IKZF1: variants seen among roughly 807,000 people sequenced by gnomAD.
IKZF1 encodes the protein DNA-binding protein Ikaros.
Under a neutral mutation model 51.7 loss-of-function variants are expected in IKZF1, and 10 were observed. That is an observed-to-expected ratio of 0.19 (90% CI 0.12 to 0.33). IKZF1 has a LOEUF of 0.33. IKZF1 is among the 10% of genes least tolerant of loss of function. The pLI is 1.00. For missense variants in IKZF1, 484 were observed against 707.5 expected, an observed-to-expected ratio of 0.68 and a Z score of 3.58; for synonymous variants, 280 against 282.3, an observed-to-expected ratio of 0.99 and a Z score of 0.08.
chr7:50,360,930 T>C (rs1805023210), intron 3 of IKZF1, among the ~76,000 whole-genome samples: 1 of 152,256 alleles, frequency 6.6e-6, no homozygotes, highest in Admixed American at 6.5e-5. Flanking sequence ...ACCCACACTC[T>C]TATGGGCAGC....
chr7:50,341,760 A>T (rs1332708183), intron 3 of IKZF1, among the ~76,000 whole-genome samples: 1 of 152,212 alleles, frequency 6.6e-6, no homozygotes, highest in African/African-American at 2.4e-5. Context: ...TTATTTAAGT[A>T]TGTACTCAAT....
At chr7:50,377,844 A>T (rs1584895029) in intron 4 of IKZF1, among the ~76,000 whole-genome samples, 2 of 152,130 alleles carry the variant, frequency 1.3e-5, no homozygotes, top group Admixed American at 1.3e-4. Context: ...AAACATAGAG[A>T]CCCTAAGCTA....
chr7:50,379,087 C>T (rs1311892152), intron 4 of IKZF1, among the ~76,000 whole-genome samples: 3 of 152,210 alleles, frequency 2.0e-5, no homozygotes, highest in Non-Finnish European at 4.4e-5. Flanking sequence ...CCTGAGATCT[C>T]GTGAACATAC....
intron 2 of IKZF1, among the ~76,000 whole-genome samples, chr7:50,326,622 T>C (rs1040121752): frequency 3.3e-5 from 5 of 152,228 alleles, no homozygotes; most frequent in Non-Finnish European, 7.4e-5. Flanking sequence ...TGGTCAAATA[T>C]AATTCTAATC....
rs569629836 is a variant in IKZF1, at chr7:50,384,186, G to A, written c.589+1479G>A. ...GACATTCTAAACTAGTGTGTGAGTC[G>A]GCAGTAATCCCAGAGAGGGGTGCGG... On this transcript the variant is annotated intron_variant, in intron 5 of 7. Transcript: ENST00000331340. Among the ~76,000 whole-genome samples, 23 of 152,296 alleles carry A rather than the reference G, an allele frequency of 1.5e-4. No individual in the cohort carries two copies. In the South Asian group the frequency reaches 1.9e-3, roughly 12 times the overall value.
At chr7:50,321,628 G>A (rs944276917) in intron 2 of IKZF1, among the ~76,000 whole-genome samples, 1 of 152,112 alleles carries the variant, frequency 6.6e-6, no homozygotes, top group Admixed American at 6.5e-5. Context: ...GACCCCTTTG[G>A]CCAATGCAGG....
chr7:50,313,653 T>A (rs1321138041), intron 1 of IKZF1, among the ~76,000 whole-genome samples: 1 of 152,228 alleles, frequency 6.6e-6, no homozygotes, highest in Non-Finnish European at 1.5e-5. Flanking sequence ...CTGTGGTTGA[T>A]TAGCTGTGTG....
intron 3 of IKZF1, chr7:50,368,129 G>A (rs1490393465): frequency 2.6e-5 from 18 of 703,210 alleles, no homozygotes; most frequent in Admixed American, 1.2e-4. Flanking sequence ...TGTAAATATC[G>A]TACGTGCATG....
chr7:50,376,522 G>T lies in IKZF1; in HGVS notation c.161-11G>T, dbSNP rs758416015. ...ATGACACTGAGTGGCCTCCTGTATT[G>T]TTTCTTTCAGCCAGTAATGTTAAAG... On this transcript the variant is annotated splice_polypyrimidine_tract_variant and intron_variant, in intron 3 of 7. Coordinates refer to ENST00000331340, the MANE Select transcript of IKZF1 (RefSeq NM_006060.6). This position sits in a 1 kb window ranked among gnomAD's most constrained non-coding sequence, Gnocchi z 4.5. 3 of 1,612,798 alleles carry T rather than the reference G, an allele frequency of 1.9e-6. No individual in the cohort carries two copies. Among genetic ancestry groups the T allele is most frequent in the Non-Finnish European group, 2.5e-6 (3 of 1,179,162 alleles).
At chr7:50,397,199 G>A (rs1270842946) in intron 7 of IKZF1, among the ~76,000 whole-genome samples, 4 of 152,176 alleles carry the variant, frequency 2.6e-5, no homozygotes, top group African/African-American at 9.7e-5. Context: ...TAGTCTTTGA[G>A]TGTATGTGTG....
intron 2 of IKZF1, 143 bp from the exon 3 acceptor site, chr7:50,327,495 A>G (rs1191476857): frequency 4.5e-6 from 4 of 891,754 alleles, no homozygotes; most frequent in Non-Finnish European, 6.5e-6. Context: ...ATAAAAAGAA[A>G]AAGGTATATG....
At chr7:50,312,599 G>A (rs1016301992) in intron 1 of IKZF1, among the ~76,000 whole-genome samples, 1 of 152,222 alleles carries the variant, frequency 6.6e-6, no homozygotes, top group Admixed American at 6.5e-5. Context: ...CATTTAAAAT[G>A]TTCTGTTTCT....
At chr7:50,397,539 TG>T (rs1487076382) in intron 7 of IKZF1, among the ~76,000 whole-genome samples, 1 of 152,178 alleles carries the variant, frequency 6.6e-6, no homozygotes, top group Non-Finnish European at 1.5e-5. Context: ...AGCACCCTTT[TG>T]GTGGGGCTGT....
chr7:50,322,278 A>T (rs6583441), intron 2 of IKZF1, among the ~76,000 whole-genome samples: 69,708 of 152,042 alleles, frequency 0.46, 16,446 homozygotes, highest in Admixed American at 0.58. Flanking sequence ...AGAAATCTTA[A>T]CAAGAATATG....
At chr7:50,338,505 T>C (rs1798302331) in intron 3 of IKZF1, among the ~76,000 whole-genome samples, 1 of 152,070 alleles carries the variant, frequency 6.6e-6, no homozygotes, top group Admixed American at 6.6e-5. Context: ...CAGAAAGAAA[T>C]GGGGAAAAAA....
chr7:50,342,541 A>G (rs943024502), intron 3 of IKZF1, among the ~76,000 whole-genome samples: 2 of 152,258 alleles, frequency 1.3e-5, no homozygotes, highest in East Asian at 3.9e-4. Context: ...CATCACAACT[A>G]TGGAATTGTT....
rs182686831 is a variant in IKZF1 at position 50,314,311 on chromosome 7, C to T, written c.-14-4737C>T. Among the ~76,000 whole-genome samples, 564 of 152,184 alleles carry T rather than the reference C, an allele frequency of 3.7e-3. 3 individuals carry two copies. The highest frequency in any genetic ancestry group is 0.014 in the Middle Eastern group (4 of 294). On this transcript the variant is annotated intron_variant, in intron 1 of 7. Transcript: ENST00000331340. ...ATTTTTAGTGGAGACGGGGTTTCGC[C>T]GTGTTAGCCAGGATGGTCTTGATCT...
At position 50,405,007 on chromosome 7, in the gene IKZF1, G is replaced by A. The variant is rs1000496354; in HGVS notation, c.*4380G>A. ...GAATTAAAAATCAGGACTGGGGACT[G>A]GGAGACCAAAAATTTCTGATCCCAT... is the stretch of plus-strand genomic sequence containing the variant. On this transcript the variant is annotated 3_prime_UTR_variant, in exon 8 of 8. Coordinates refer to ENST00000331340, the MANE Select transcript of IKZF1 (RefSeq NM_006060.6). 7.9e-5 allele frequency: 16 copies of A among 201,812 alleles called. No homozygotes were observed. Among genetic ancestry groups the A allele is most frequent in the African/African-American group, 3.0e-4 (13 of 43,516 alleles). The allele number at this position is 201,812 out of a possible 1,614,324, so 12.5% of individuals were successfully genotyped here.
Position 50,400,402 on chromosome 7 carries a change from G to C in IKZF1, c.1335G>C (p.Ser445=). ...YDLLRAASEN[S]QDALRVVSTS... ...TGCTGCGCGCCGCCTCCGAGAACTC[G>C]CAGGACGCGCTCCGCGTGGTCAGCA... The change falls in exon 8 of 8, where the codon TCG becomes TCC. Residue 445 remains serine, a synonymous_variant. Transcript: ENST00000331340. This position sits in a 1 kb window ranked among gnomAD's most constrained non-coding sequence, Gnocchi z 5.4. 6.2e-7 allele frequency: 1 copy of C among 1,613,558 alleles called. No individual in the cohort carries two copies. Among genetic ancestry groups the C allele is most frequent in the Non-Finnish European group, 8.5e-7 (1 of 1,179,780 alleles).
Sources: allele counts gnomAD v4.1 joint callset (sites outside exome capture counted in the v4.1 genomes callset), GRCh38; gene constraint gnomAD v4.1.1; non-coding constraint Gnocchi (gnomAD v3.1); transcripts MANE v1.5; gene names NCBI Gene and HGNC (gene_info 2026-07-23, HGNC 2026-07-21).